The following PNPLA6 variants were observed in gnomAD, a reference collection of about 807,000 sequenced individuals.
The protein encoded by PNPLA6 is patatin-like phospholipase domain-containing protein 6.
A neutral mutation model predicts 153.7 loss-of-function variants in PNPLA6; 105 were observed. The ratio of observed to expected loss-of-function variants is 0.68; its 90% CI spans 0.58 to 0.80. The LOEUF (loss-of-function observed/expected upper bound fraction) is 0.80. Among genes scored for constraint, PNPLA6 ranks in the 30% least tolerant of loss-of-function variants. The pLI, the probability that PNPLA6 is intolerant of heterozygous loss-of-function variation, is 0.00. For synonymous variants in PNPLA6, 825 were observed against 822.2 expected, an observed-to-expected ratio of 1.00 and a Z score of -0.06; for missense variants, 1,423 against 1,919.3, an observed-to-expected ratio of 0.74 and a Z score of 4.83.
chr19:7,560,475 G>A, intron 28 of PNPLA6, 173 bp from the exon 29 acceptor site: 1 of 680,626 alleles, frequency 1.5e-6, no homozygotes, highest in East Asian at 2.7e-5. Context: ...TCAAGGGCAG[G>A]ACAGGGGATG....
chr19:7,539,966 C>T lies in PNPLA6; in HGVS notation c.462C>T (p.Pro154=). 3 of 1,574,478 alleles carry T rather than the reference C, an allele frequency of 1.9e-6. No individual in the cohort carries two copies. Among genetic ancestry groups the T allele is most frequent in the Non-Finnish European group, 2.6e-6 (3 of 1,160,348 alleles). Residue 154 remains proline (P), a synonymous_variant, in exon 4 of 32, where the codon CCC becomes CCT. Coordinates refer to ENST00000600737, the MANE Select transcript of PNPLA6 (RefSeq NM_001166114.2). ...CGCCCACGCTGCAGCGGAAGGAGCC[C>T]CCGCCCGCAGTGCTAGAAGCTGACC... The part of the protein sequence containing the change: ...KETPTLQRKE[P]PPAVLEADLT...
At position 7,551,359 on chromosome 19, in the gene PNPLA6, C is replaced by T. The variant is rs2023643286; in HGVS notation, c.2185-3C>T. On this transcript the variant is annotated splice_polypyrimidine_tract_variant and splice_region_variant and intron_variant, in intron 17 of 31. Transcript: ENST00000600737. ...CTGAAATGCCGGCCTCCAACGCCCC[C>T]AGGTCGTGACCCGCCTTATCCACCT... 9.3e-6 allele frequency: 15 copies of T among 1,613,918 alleles called. No homozygotes were observed. The highest frequency in any genetic ancestry group is 1.3e-5 in the Non-Finnish European group (15 of 1,179,912).
chr19:7,549,494 C>CTTCTTCT (rs66673863), intron 13 of PNPLA6, among the ~76,000 whole-genome samples: 1,995 of 136,282 alleles, frequency 0.015, 45 homozygotes, highest in African/African-American at 0.05. Flanking sequence ...CCTTCTTCTT[C>CTTCTTCT]TTTTTTTTTT....
In PNPLA6 at chr19:7,535,787, A is replaced by G. The variant is rs1414421044; in HGVS notation, c.-2A>G. The stretch of plus-strand genomic sequence containing the variant: ...AGGGAGCAGCACTGGCCCATTCTGC[A>G]GATGGGGACATCGAGTCACGGGCTG... On this transcript the variant is annotated 5_prime_UTR_variant, in exon 1 of 32. Coordinates refer to ENST00000600737, the MANE Select transcript of PNPLA6 (RefSeq NM_001166114.2). This position sits in a 1 kb window ranked among gnomAD's most constrained non-coding sequence, Gnocchi z 5.0. 6.5e-7 allele frequency: 1 copy of G among 1,535,620 alleles called. No homozygotes were observed. Among genetic ancestry groups the G allele is most frequent in the South Asian group, 1.2e-5 (1 of 83,986 alleles).
At chr19:7,535,601 G>C, upstream of PNPLA6, 3 of 1,598,772 alleles carry the variant, frequency 1.9e-6, no homozygotes, top group Non-Finnish European at 2.6e-6. The surrounding 1 kb of genome is among the most constrained non-coding windows in gnomAD (Gnocchi z 5.0). Flanking sequence ...CGGAGACCGG[G>C]TAGGTGCCGG....
chr19:7,561,170 C>T (rs1204546505), intron 30 of PNPLA6, 38 bp from the exon 31 acceptor site: 3 of 1,587,182 alleles, frequency 1.9e-6, no homozygotes, highest in Non-Finnish European at 2.6e-6. Context: ...GCAGGCCAGC[C>T]CCAATCCCCT....
chr19:7,538,823 C>T (rs1019619392), intron 3 of PNPLA6, among the ~76,000 whole-genome samples: 1 of 152,200 alleles, frequency 6.6e-6, no homozygotes. Flanking sequence ...AAGGCATACT[C>T]ACGTTAAGGG....
intron 10 of PNPLA6, 167 bp from the exon 11 acceptor site, chr19:7,542,394 G>C (rs561074539): frequency 1.5e-6 from 1 of 675,444 alleles, no homozygotes; most frequent in African/African-American, 1.8e-5. Flanking sequence ...GAGTGCAGTG[G>C]TGCTGTCATA....
In PNPLA6 at chr19:7,535,838, TG is replaced by T. The variant is rs1366855866; in HGVS notation, c.52del (p.Ala18ArgfsTer35). 3 of 1,537,012 alleles carry T rather than the reference TG, an allele frequency of 2.0e-6. No homozygotes were observed. The highest frequency in any genetic ancestry group is 2.6e-6 in the Non-Finnish European group (3 of 1,146,936). ...GCTACGAACTCCTCGGGGGCGAAGG[TG>T]GCGGAGAGGGATGGGTTCCAGGACG... ...GLATNSSGAK[V>X]AERDGFQDVL... On this transcript the variant is annotated frameshift_variant, in exon 1 of 32. Transcript: ENST00000600737. LOFTEE classifies it high-confidence loss of function. This position sits in a 1 kb window ranked among gnomAD's most constrained non-coding sequence, Gnocchi z 5.0.
chr19:7,548,710 TATATATATACACACAC>T lies in PNPLA6; in HGVS notation c.1609-1181_1609-1166del, dbSNP rs963096520. ...GAATCCTGGGTATATGGAACATATA[TATATATATACACACAC>T]ATATATATACACACATATATATATA... On this transcript the variant is annotated intron_variant, in intron 13 of 31. Transcript: ENST00000600737. Among the ~76,000 whole-genome samples the T allele has an allele frequency of 1.5e-4, 11 of 73,666 alleles. No individual in the cohort carries two copies. The East Asian group carries it at 2.8e-3, about 19-fold the overall frequency. The allele number at this position is 73,666 out of a possible 152,430, so 48.3% of individuals were successfully genotyped here.
Position 7,556,870 on chromosome 19 carries a change from C to A in PNPLA6, c.3280+146C>A, listed in dbSNP as rs577319891. The A allele has an allele frequency of 6.0e-4, 434 of 728,778 alleles. 1 individual carries two copies. In the African/African-American group the frequency reaches 6.1e-3, roughly 10 times the overall value. 45.1% of individuals were successfully genotyped at this position (728,778 alleles called of 1,614,324 possible). On this transcript the variant is annotated intron_variant, in intron 26 of 31. Coordinates refer to ENST00000600737, the MANE Select transcript of PNPLA6 (RefSeq NM_001166114.2). ...CGATCACCGACCACTAACCGCCACC[C>A]ACTAATGCCCCGGAGACCCCAGGTA...
chr19:7,541,227 T>G lies in PNPLA6; in HGVS notation c.925-127T>G. 4.6e-6 allele frequency: 5 copies of G among 1,095,500 alleles called. No individual in the cohort carries two copies. Among genetic ancestry groups the G allele is most frequent in the East Asian group, 5.2e-5 (2 of 38,824 alleles). The allele number at this position is 1,095,500 out of a possible 1,614,324, so 67.9% of individuals were successfully genotyped here. A position where few individuals can be genotyped will look rare whatever the true frequency, so the allele number is the denominator to read the frequency against. On this transcript the variant is annotated intron_variant, in intron 7 of 31. Transcript: ENST00000600737. The surrounding 1 kb of genome is among the most constrained non-coding windows in gnomAD (Gnocchi z 5.2). ...TCCTCCCTTAGCTGCCTCGCCCCATTTCCCCAGACTGTGGGTCTCTCCCTG... is the reference window on the plus strand; with the variant it reads ...TCCTCCCTTAGCTGCCTCGCCCCATGTCCCCAGACTGTGGGTCTCTCCCTG...
In PNPLA6 at chr19:7,558,844, C is replaced by A; in HGVS notation, c.3398-6C>A. The A allele has an allele frequency of 6.2e-7, 1 of 1,604,014 alleles. No individual in the cohort carries two copies. The highest frequency in any genetic ancestry group is 8.5e-7 in the Non-Finnish European group (1 of 1,178,866). ...GAGCAGCCCGCTGACCCCCCTGGCC[C>A]CACAGCGGACATCGCCCGCAGCATG... On this transcript the variant is annotated splice_region_variant and splice_polypyrimidine_tract_variant and intron_variant, in intron 27 of 31. Transcript: ENST00000600737.
rs886054696 is a variant in PNPLA6, at chr19:7,536,492, C to G, written c.359C>G (p.Ala120Gly). The change falls in exon 3 of 32, where the codon GCC becomes GGC. Residue 120 changes from alanine (A) to glycine (G), a missense_variant. By Grantham distance (60) the Ala-to-Gly change is moderately conservative. This residue lies in a region of PNPLA6 where 74 missense variants were observed against 171.3 expected (regional missense o/e 0.43). Transcript: ENST00000600737. ...TCCCTCGTGGATACCTCTGTCTCCG[C>G]CACCTCCCGGCCACGCATGAGGAAG... The part of the protein sequence containing the change: ...TSSLVDTSVS[A>G]TSRPRMRKKL... The G allele has an allele frequency of 6.2e-7, 1 of 1,613,998 alleles. No homozygotes were observed. The highest frequency in any genetic ancestry group is 8.5e-7 in the Non-Finnish European group (1 of 1,179,846).
chr19:7,535,117 A>T (rs112541066), upstream of PNPLA6: 948 of 282,348 alleles, frequency 3.4e-3, 10 homozygotes, highest in African/African-American at 0.019. This position sits in a 1 kb window ranked among gnomAD's most constrained non-coding sequence, Gnocchi z 5.0. Context: ...AGGCTTGATC[A>T]ACCCTGCAGA....
Position 7,558,741 on chromosome 19 carries a change from CT to C in PNPLA6, c.3398-99del, listed in dbSNP as rs201915883. On this transcript the variant is annotated intron_variant, in intron 27 of 31. Transcript: ENST00000600737. ...GTGTTTGCATGTGTGGGTATTCTCTCTTTTTTTTTTGCGTGATCATTTGCAT... is the reference window on the plus strand; with the variant it reads ...GTGTTTGCATGTGTGGGTATTCTCTCTTTTTTTTTGCGTGATCATTTGCAT... 4,640 of 712,780 alleles carry C rather than the reference CT, an allele frequency of 6.5e-3. 34 individuals are homozygous for C. The highest frequency in any genetic ancestry group is 0.03 in the African/African-American group (1,658 of 55,730). The allele number at this position is 712,780 out of a possible 1,614,324, so 44.2% of individuals were successfully genotyped here. A position where few individuals can be genotyped will look rare whatever the true frequency, so the allele number is the denominator to read the frequency against.
At position 7,555,421 on chromosome 19, in the gene PNPLA6, C is replaced by G. The variant is rs2023834384; in HGVS notation, c.2936+54C>G. 1.4e-6 allele frequency: 2 copies of G among 1,394,634 alleles called. No homozygotes were observed. Among genetic ancestry groups the G allele is most frequent in the South Asian group, 2.5e-5 (2 of 80,966 alleles). The allele number at this position is 1,394,634 out of a possible 1,614,324, so 86.4% of individuals were successfully genotyped here. On this transcript the variant is annotated intron_variant, in intron 23 of 31. Transcript: ENST00000600737. The surrounding 1 kb of genome is among the most constrained non-coding windows in gnomAD (Gnocchi z 6.3). ...GGGGCCTGGATGTCCGAGGGTGGAG[C>G]TTCCTGGGAGAAACCGTGGGGGCGG...
chr19:7,549,729 C>G, intron 13 of PNPLA6, 178 bp from the exon 14 acceptor site: 1 of 655,982 alleles, frequency 1.5e-6, no homozygotes, highest in East Asian at 2.7e-5. Context: ...TCAAGTGATC[C>G]CCCCTGCCTG....
In PNPLA6 at chr19:7,551,016, C is replaced by G. The variant is rs2023619514; in HGVS notation, c.2093C>G (p.Pro698Arg). ...CAGGTGGAGGCACTGACCCGGCAGC[C>G]GCGAGCCACGACGGTGCACGCGGTG... ...IGVVEALTRQ[P>R]RATTVHAVRD... Residue 698 changes from proline (P) to arginine (R), a missense_variant, in exon 17 of 32, where the codon CCG becomes CGG. Physicochemically the swap from Pro to Arg is moderately radical, Grantham distance 103 (BLOSUM62 -2). This residue lies in a region of PNPLA6 where 63 missense variants were observed against 166.2 expected (regional missense o/e 0.38). Coordinates refer to ENST00000600737, the MANE Select transcript of PNPLA6 (RefSeq NM_001166114.2). The G allele has an allele frequency of 1.2e-5, 18 of 1,546,522 alleles. No homozygotes were observed. The highest frequency in any genetic ancestry group is 1.5e-5 in the Non-Finnish European group (17 of 1,146,454).
Sources: allele counts gnomAD v4.1 joint callset (sites outside exome capture counted in the v4.1 genomes callset), GRCh38; gene constraint gnomAD v4.1.1; regional missense constraint gnomAD v4.1.1; non-coding constraint Gnocchi (gnomAD v3.1); transcripts MANE v1.5; gene names NCBI Gene and HGNC (gene_info 2026-07-23, HGNC 2026-07-21).